Variants in FGF8 observed in about 807,000 individuals in gnomAD.
The protein encoded by FGF8 is androgen-induced growth factor.
A neutral mutation model predicts 29.7 loss-of-function variants in FGF8; 12 were observed. The observed-to-expected ratio is 0.40, with a 90% CI of 0.26 to 0.65. The LOEUF (loss-of-function observed/expected upper bound fraction) is 0.65. FGF8 is among the 30% of genes least tolerant of loss of function. FGF8 has a pLI of 0.37. For synonymous variants in FGF8, 157 were observed against 144.4 expected, an observed-to-expected ratio of 1.09 and a Z score of -0.63; for missense variants, 271 against 345.1, an observed-to-expected ratio of 0.79 and a Z score of 1.70.
Position 101,775,008 on chromosome 10 carries a change from C to G in FGF8, c.157-96G>C, listed in dbSNP as rs2065070335. ...TCACCCTGCGTCCCCCTCACTGCCC[C>G]AAGCCGCCAGCAGGTGCTGGGGGTT... On this transcript the variant is annotated intron_variant, in intron 3 of 5. Coordinates refer to ENST00000320185, the MANE Select transcript of FGF8 (RefSeq NM_033163.5). The surrounding 1 kb of genome is among the most constrained non-coding windows in gnomAD (Gnocchi z 4.6). The G allele has an allele frequency of 1.3e-6, 2 of 1,528,912 alleles. No individual in the cohort carries two copies. Among genetic ancestry groups the G allele is most frequent in the Admixed American group, 3.7e-5 (2 of 53,750 alleles). 94.7% of individuals were successfully genotyped at this position (1,528,912 alleles called of 1,614,324 possible). A position where few individuals can be genotyped will look rare whatever the true frequency, so the allele number is the denominator to read the frequency against.
intron 5 of FGF8, among the ~76,000 whole-genome samples, 164 bp from the exon 6 acceptor site, chr10:101,770,783 G>T (rs926375477): frequency 6.6e-6 from 1 of 152,166 alleles, no homozygotes; most frequent in Non-Finnish European, 1.5e-5. Flanking sequence ...CTCACAACTC[G>T]CAGCCCACCC....
intron 4 of FGF8, among the ~76,000 whole-genome samples, chr10:101,774,248 G>C (rs975345616): frequency 6.6e-6 from 1 of 152,222 alleles, no homozygotes; most frequent in African/African-American, 2.4e-5. Flanking sequence ...GGAGCAGGGA[G>C]AGCCCCCTTC....
At chr10:101,776,430 C>T (rs1330993879), upstream of FGF8, among the ~76,000 whole-genome samples, 2 of 150,900 alleles carry the variant, frequency 1.3e-5, no homozygotes, top group Admixed American at 6.6e-5. Flanking sequence ...TGTCCCCTCG[C>T]GCGCTCCCCG....
chr10:101,775,032 T>A lies in FGF8; in HGVS notation c.156+98A>T. The stretch of plus-strand genomic sequence containing the variant: ...CCAAGCCGCCAGCAGGTGCTGGGGG[T>A]TCCCCCAACATGCCAGCCCAGGCCA... On this transcript the variant is annotated intron_variant, in intron 3 of 5. Coordinates refer to ENST00000320185, the MANE Select transcript of FGF8 (RefSeq NM_033163.5). The surrounding 1 kb of genome is among the most constrained non-coding windows in gnomAD (Gnocchi z 4.6). 1 of 1,491,368 alleles carries A rather than the reference T, an allele frequency of 6.7e-7. No individual in the cohort carries two copies. The highest frequency in any genetic ancestry group is 9.2e-7 in the Non-Finnish European group (1 of 1,088,634). The allele number at this position is 1,491,368 out of a possible 1,614,324, so 92.4% of individuals were successfully genotyped here. A position where few individuals can be genotyped will look rare whatever the true frequency, so the allele number is the denominator to read the frequency against.
Position 101,772,236 on chromosome 10 carries a change from C to G in FGF8, c.338-667G>C, listed in dbSNP as rs2065036453. On this transcript the variant is annotated intron_variant, in intron 4 of 5. Coordinates refer to ENST00000320185, the MANE Select transcript of FGF8 (RefSeq NM_033163.5). This position sits in a 1 kb window ranked among gnomAD's most constrained non-coding sequence, Gnocchi z 4.4. The stretch of plus-strand genomic sequence containing the variant: ...AACCTCAGACACCTGCCAGGAGGAT[C>G]CTGCCTCTTCCCTGTGGCTTCCCAG... Among the ~76,000 whole-genome samples, 1 of 152,236 alleles carries G rather than the reference C, an allele frequency of 6.6e-6. No homozygotes were observed. Among genetic ancestry groups the G allele is most frequent in the African/African-American group, 2.4e-5 (1 of 41,464 alleles).
chr10:101,773,457 C>T (rs1221128165), intron 4 of FGF8, among the ~76,000 whole-genome samples: 1 of 151,870 alleles, frequency 6.6e-6, no homozygotes, highest in African/African-American at 2.4e-5. Context: ...CCCCCACCCC[C>T]ACCCCAGAAA....
intron 4 of FGF8, among the ~76,000 whole-genome samples, chr10:101,774,005 G>T (rs996097541): frequency 3.9e-5 from 6 of 152,114 alleles, no homozygotes; most frequent in African/African-American, 1.4e-4. Context: ...ATTATTTAAA[G>T]GTTTTTAAAC....
At chr10:101,777,254 G>A (rs749759205), upstream of FGF8, among the ~76,000 whole-genome samples, 11 of 152,136 alleles carry the variant, frequency 7.2e-5, no homozygotes, top group Non-Finnish European at 1.3e-4. Context: ...TTCTGTGGGA[G>A]CAGCCTGGGT....
chr10:101,775,841 T>TGGCGG lies in FGF8; in HGVS notation c.32+23_32+27dup, dbSNP rs897739202. ...TGAGGCGAGGGGCGCGGGGGGCGGG[T>TGGCGG]GGCGGGGCAGGGCGGCGCGGTACTC... On this transcript the variant is annotated intron_variant, in intron 1 of 5. Transcript: ENST00000320185. The surrounding 1 kb of genome is among the most constrained non-coding windows in gnomAD (Gnocchi z 4.6). The TGGCGG allele has an allele frequency of 2.0e-6, 2 of 978,568 alleles. No homozygotes were observed. The highest frequency in any genetic ancestry group is 3.7e-5 in the African/African-American group (2 of 54,282). 60.6% of individuals were successfully genotyped at this position (978,568 alleles called of 1,614,324 possible).
At chr10:101,779,591 G>C (rs2065126945), upstream of FGF8, among the ~76,000 whole-genome samples, 1 of 150,926 alleles carries the variant, frequency 6.6e-6, no homozygotes, top group African/African-American at 2.4e-5. This position sits in a 1 kb window ranked among gnomAD's most constrained non-coding sequence, Gnocchi z 5.7. Flanking sequence ...GAGCGTGCTC[G>C]GCGCAGGCCC....
upstream of FGF8, among the ~76,000 whole-genome samples, chr10:101,776,777 G>A (rs954819829): frequency 1.4e-4 from 22 of 151,878 alleles, no homozygotes; most frequent in Middle Eastern, 3.2e-3. Flanking sequence ...ACTCTCCCGA[G>A]GAGGCCCTGG....
chr10:101,779,537 T>C (rs1486917037), upstream of FGF8, among the ~76,000 whole-genome samples: 1 of 152,052 alleles, frequency 6.6e-6, no homozygotes, highest in East Asian at 1.9e-4. This position sits in a 1 kb window ranked among gnomAD's most constrained non-coding sequence, Gnocchi z 5.7. Context: ...CGAGAAACTC[T>C]TGGGCCGAGA....
rs1019462775 is a variant in FGF8 at position 101,772,232 on chromosome 10, G to A, written c.338-663C>T. Among the ~76,000 whole-genome samples, 1 of 152,228 alleles carries A rather than the reference G, an allele frequency of 6.6e-6. No individual in the cohort carries two copies. The highest frequency in any genetic ancestry group is 2.4e-5 in the African/African-American group (1 of 41,462). ...CCAGAACCTCAGACACCTGCCAGGAGGATCCTGCCTCTTCCCTGTGGCTTC... is the reference window on the plus strand; with the variant it reads ...CCAGAACCTCAGACACCTGCCAGGAAGATCCTGCCTCTTCCCTGTGGCTTC... On this transcript the variant is annotated intron_variant, in intron 4 of 5. Coordinates refer to ENST00000320185, the MANE Select transcript of FGF8 (RefSeq NM_033163.5). The surrounding 1 kb of genome is among the most constrained non-coding windows in gnomAD (Gnocchi z 4.4).
Position 101,775,674 on chromosome 10 carries a change from C to T in FGF8, c.69+66G>A. ...GCAGAGTCAGTCCCGGTGCCCCCGACCGGCGCTGCCCACCCGGGTCTCACA... is the reference window on the plus strand; with the variant it reads ...GCAGAGTCAGTCCCGGTGCCCCCGATCGGCGCTGCCCACCCGGGTCTCACA... On this transcript the variant is annotated intron_variant, in intron 2 of 5. Transcript: ENST00000320185. This position sits in a 1 kb window ranked among gnomAD's most constrained non-coding sequence, Gnocchi z 4.6. 1 of 1,520,120 alleles carries T rather than the reference C, an allele frequency of 6.6e-7. No homozygotes were observed. 94.2% of individuals were successfully genotyped at this position (1,520,120 alleles called of 1,614,324 possible).
At chr10:101,774,627 C>G in intron 4 of FGF8, 105 bp downstream of exon 4, 1 of 980,538 alleles carries the variant, frequency 1.0e-6, no homozygotes, top group East Asian at 2.5e-5. Flanking sequence ...TCTGCCTTAA[C>G]TCCTTCCCTT....
upstream of FGF8, among the ~76,000 whole-genome samples, chr10:101,776,320 C>A (rs1444244171): frequency 1.5e-3 from 182 of 119,026 alleles, no homozygotes; most frequent in African/African-American, 5.8e-3. Context: ...GAGGGGCGGC[C>A]GACGGGTTCG....
intron 4 of FGF8, among the ~76,000 whole-genome samples, chr10:101,774,465 C>A (rs1163849298): frequency 2.0e-5 from 3 of 152,188 alleles, no homozygotes; most frequent in Non-Finnish European, 4.4e-5. Context: ...CCTCCACCTG[C>A]AGCTGGGGAG....
chr10:101,774,434 C>T (rs1011592165), intron 4 of FGF8, among the ~76,000 whole-genome samples: 1 of 152,178 alleles, frequency 6.6e-6, no homozygotes, highest in Non-Finnish European at 1.5e-5. Context: ...AAACCTAGGC[C>T]CCCTCCCCCT....
At position 101,770,178 on chromosome 10, in the gene FGF8, A is replaced by G; in HGVS notation, c.*151T>C. On this transcript the variant is annotated 3_prime_UTR_variant, in exon 6 of 6. Transcript: ENST00000320185. ...AAAAAAAAAAAACAGCAAAAACCCA[A>G]CAGCAAACAATATCAACAACCGGAA... 2 of 648,158 alleles carry G rather than the reference A, an allele frequency of 3.1e-6. No homozygotes were observed. The highest frequency in any genetic ancestry group is 3.7e-5 in the African/African-American group (2 of 53,790). The allele number at this position is 648,158 out of a possible 1,614,324, so 40.2% of individuals were successfully genotyped here. A position where few individuals can be genotyped will look rare whatever the true frequency, so the allele number is the denominator to read the frequency against.
Sources: gnomAD v4.1 joint callset for allele counts (sites outside exome capture counted in the v4.1 genomes callset) on GRCh38, gnomAD v4.1.1 for gene constraint, Gnocchi (gnomAD v3.1) non-coding constraint, MANE v1.5 for transcripts, NCBI Gene and HGNC (gene_info 2026-07-23, HGNC 2026-07-21) for gene names.